The following COG6 variants were observed in gnomAD, a reference collection of about 807,000 sequenced individuals.
The protein encoded by COG6 is conserved oligomeric Golgi complex subunit 6.
In COG6, 74 loss-of-function variants were observed where a neutral mutation model predicts 88.8. The observed-to-expected ratio is 0.83, with a 90% CI of 0.69 to 1.01. The LOEUF (loss-of-function observed/expected upper bound fraction) is 1.01, where lower values mean the gene tolerates loss of function less well. Ranked by LOEUF, COG6 falls within the 50% of genes least tolerant of loss-of-function variation. The probability of loss-of-function intolerance (pLI) is 0.00; values close to 1 mark genes in which losing one functional copy is unlikely to be tolerated. For missense variants in COG6, 800 were observed against 797.9 expected (o/e 1.00, Z -0.03); for synonymous variants, 286 against 278.7 (o/e 1.03, Z -0.26).
chr13:39,689,849 G>C (rs1270974709), intron 11 of COG6, 25 bp downstream of exon 11: 7 of 1,425,676 alleles, frequency 4.9e-6, no homozygotes, highest in Non-Finnish European at 6.9e-6. Context: ...TTTTACATAT[G>C]CTATATGGTA....
intron 12 of COG6, among the ~76,000 whole-genome samples, chr13:39,697,359 A>G (rs1877333077): frequency 6.6e-6 from 1 of 151,838 alleles, no homozygotes; most frequent in African/African-American, 2.4e-5. Flanking sequence ...CTGGGAAGGA[A>G]TAGTGGTGAA....
intron 18 of COG6, among the ~76,000 whole-genome samples, chr13:39,771,086 C>T (rs1881307147): frequency 1.3e-5 from 2 of 152,160 alleles, no homozygotes; most frequent in East Asian, 1.9e-4. Context: ...CATGCAGACA[C>T]GTGTGGCACT....
At chr13:39,753,113 T>C (rs1276297680), downstream of COG6, among the ~76,000 whole-genome samples, 1 of 152,206 alleles carries the variant, frequency 6.6e-6, no homozygotes, top group East Asian at 1.9e-4. Context: ...TGTTTATGTT[T>C]CCCCAAATTC....
chr13:39,659,228 T>A (rs537691906), intron 1 of COG6, 136 bp from the exon 2 acceptor site: 1 of 776,274 alleles, frequency 1.3e-6, no homozygotes, highest in East Asian at 2.7e-5. Context: ...TTCAGTAATT[T>A]GAAGGTCATT....
At chr13:39,719,040 A>G (rs537937639) in intron 13 of COG6, among the ~76,000 whole-genome samples, 196 bp from the exon 14 acceptor site, 5 of 152,288 alleles carry the variant, frequency 3.3e-5, no homozygotes, top group Non-Finnish European at 7.4e-5. Context: ...ATTCTGAGAT[A>G]ATCTGACAAA....
At chr13:39,736,295 ACT>A (rs1879740555) in intron 18 of COG6, among the ~76,000 whole-genome samples, 1 of 151,332 alleles carries the variant, frequency 6.6e-6, no homozygotes. Context: ...CAGCTAAGAG[ACT>A]CTGATGCATT....
intron 10 of COG6, 71 bp downstream of exon 10, chr13:39,687,870 G>A: frequency 9.2e-7 from 1 of 1,081,318 alleles, no homozygotes; most frequent in Admixed American, 1.9e-5. Flanking sequence ...TTCTGTTCTT[G>A]TTGCCATCTT....
At chr13:39,681,289 T>A (rs574912770) in intron 7 of COG6, among the ~76,000 whole-genome samples, 9 of 152,338 alleles carry the variant, frequency 5.9e-5, no homozygotes, top group Non-Finnish European at 1.3e-4. Flanking sequence ...TTTTTCTACC[T>A]CTCTCCTTCT....
intron 18 of COG6, among the ~76,000 whole-genome samples, chr13:39,759,360 C>T (rs917479853): frequency 6.6e-6 from 1 of 152,032 alleles, no homozygotes; most frequent in Non-Finnish European, 1.5e-5. Flanking sequence ...TTCCTTGAAC[C>T]TGGTGATAGT....
Position 39,674,665 on chromosome 13 carries a change from T to G in COG6, c.429-2803T>G, listed in dbSNP as rs575041895. On this transcript the variant is annotated intron_variant, in intron 4 of 18. Coordinates refer to ENST00000455146, the MANE Select transcript of COG6 (RefSeq NM_020751.3). ...AGTCTGAAAGTAATAAATGGAGAAT[T>G]TCAGAAATAAGCAATTTGTAAGCTT... Among the ~76,000 whole-genome samples, 74 of 152,300 alleles carry G rather than the reference T, an allele frequency of 4.9e-4. 1 individual carries two copies. In the South Asian group the frequency reaches 0.013, roughly 26 times the overall value.
At chr13:39,685,410 T>G (rs1283352285) in intron 8 of COG6, among the ~76,000 whole-genome samples, 1 of 152,162 alleles carries the variant, frequency 6.6e-6, no homozygotes, top group Admixed American at 6.5e-5. Flanking sequence ...AGGATTGACA[T>G]TAATATTAAT....
intron 8 of COG6, among the ~76,000 whole-genome samples, chr13:39,683,879 A>G (rs1392648859): frequency 2.0e-5 from 3 of 152,190 alleles, no homozygotes; most frequent in East Asian, 1.9e-4. Context: ...TTAAATGGCT[A>G]TAAGGTGGGT....
At chr13:39,712,687 T>C (rs1878307649) in intron 13 of COG6, among the ~76,000 whole-genome samples, 1 of 152,234 alleles carries the variant, frequency 6.6e-6, no homozygotes, top group Non-Finnish European at 1.5e-5. Context: ...TTGCTTATTG[T>C]CCCTAAGGGA....
At chr13:39,659,593 A>G in intron 2 of COG6, 86 bp downstream of exon 2, 2 of 1,177,342 alleles carry the variant, frequency 1.7e-6, no homozygotes, top group South Asian at 2.5e-5. Flanking sequence ...AATTAGGTTG[A>G]TATGTTTGCT....
In COG6 at chr13:39,655,810, G is replaced by A. The variant is rs374783198; in HGVS notation, c.84G>A (p.Ser28=). The A allele has an allele frequency of 3.7e-5, 60 of 1,600,024 alleles. No individual in the cohort carries two copies. The highest frequency in any genetic ancestry group is 5.4e-5 in the African/African-American group (4 of 74,718). ...NGLNNGAGGT[S]ATTCNPLSRK... ...TCAACAATGGGGCAGGCGGGACCTC[G>A]GCGACGACCTGCAACCCGCTGTCGC... is the stretch of plus-strand genomic sequence containing the variant. Residue 28 remains serine (S), a synonymous_variant, in exon 1 of 19, where the codon TCG becomes TCA. Coordinates refer to ENST00000455146, the MANE Select transcript of COG6 (RefSeq NM_020751.3).
intron 18 of COG6, among the ~76,000 whole-genome samples, chr13:39,772,400 C>G (rs2138178331): frequency 6.6e-6 from 1 of 152,358 alleles, no homozygotes; most frequent in African/African-American, 2.4e-5. Flanking sequence ...ACTAAGCATT[C>G]TATTTTAAGC....
intron 5 of COG6, among the ~76,000 whole-genome samples, chr13:39,678,996 A>G (rs1033015456): frequency 1.3e-5 from 2 of 152,140 alleles, no homozygotes; most frequent in Non-Finnish European, 2.9e-5. Flanking sequence ...TGGGTGGAAC[A>G]CTATTTGTGG....
intron 4 of COG6, among the ~76,000 whole-genome samples, chr13:39,666,549 A>G (rs956508339): frequency 6.6e-6 from 1 of 152,230 alleles, no homozygotes; most frequent in Admixed American, 6.5e-5. Flanking sequence ...TGGCAAGTAC[A>G]TGACCCCCAA....
chr13:39,669,408 A>C lies in COG6; in HGVS notation c.428+4254A>C, dbSNP rs141182370. Among the ~76,000 whole-genome samples the C allele has an allele frequency of 8.2e-3, 1,256 of 152,288 alleles. 15 individuals are homozygous for C. Among genetic ancestry groups the C allele is most frequent in the African/African-American group, 0.028 (1,179 of 41,564 alleles). On this transcript the variant is annotated intron_variant, in intron 4 of 18. Coordinates refer to ENST00000455146, the MANE Select transcript of COG6 (RefSeq NM_020751.3). ...TTTAAACTTTTCCTGTTCTCAGTTA[A>C]ATCTTTTTGTTTTAATTTTTAGTGT...
Sources: gnomAD v4.1 joint callset for allele counts (sites outside exome capture counted in the v4.1 genomes callset) on GRCh38, gnomAD v4.1.1 for gene constraint, MANE v1.5 for transcripts, NCBI Gene and HGNC (gene_info 2026-07-23, HGNC 2026-07-21) for gene names.